Variants in SDK2 observed in about 807,000 individuals in gnomAD.
SDK2 encodes the protein sidekick cell adhesion molecule 2.
A neutral mutation model predicts 253.9 loss-of-function variants in SDK2; 105 were observed. That is an observed-to-expected ratio of 0.41 (90% CI 0.35 to 0.49). The LOEUF (loss-of-function observed/expected upper bound fraction) is 0.49, where lower values mean the gene tolerates loss of function less well. Ranked by LOEUF, SDK2 falls within the 20% of genes least tolerant of loss-of-function variation. The pLI is 0.06. For missense variants in SDK2, 2,608 were observed against 3,003.0 expected, an observed-to-expected ratio of 0.87 and a Z score of 3.07; for synonymous variants, 1,249 against 1,234.9, an observed-to-expected ratio of 1.01 and a Z score of -0.24.
chr17:73,424,668 C>T (rs1380348429), intron 12 of SDK2, among the ~76,000 whole-genome samples: 2 of 152,202 alleles, frequency 1.3e-5, no homozygotes, highest in African/African-American at 4.8e-5. Flanking sequence ...GGAAATAGAA[C>T]CATTATCATT....
chr17:73,350,760 C>A lies in SDK2; in HGVS notation c.5789G>T (p.Trp1930Leu). The A allele has an allele frequency of 6.2e-7, 1 of 1,613,064 alleles. No individual in the cohort carries two copies. ...AQKANPFYEEWWFLVVIALVG... is the reference protein window; with the variant it reads ...AQKANPFYEELWFLVVIALVG... ...CAGGGCAATGACCACCAAGAACCACCACTCCTCATAGAAGGGGTTGGCTTT... is the reference window on the plus strand; with the variant it reads ...CAGGGCAATGACCACCAAGAACCACAACTCCTCATAGAAGGGGTTGGCTTT... The change falls in exon 42 of 45, where the codon TGG (tryptophan) becomes TTG (leucine). Residue 1930 changes from tryptophan to leucine, a missense_variant. By Grantham distance (61) the Trp-to-Leu change is moderately conservative. Transcript: ENST00000392650.
intron 1 of SDK2, among the ~76,000 whole-genome samples, chr17:73,524,504 C>T (rs565641140): frequency 1.3e-5 from 2 of 152,330 alleles, no homozygotes; most frequent in East Asian, 3.9e-4. Context: ...TTGTATTCCC[C>T]TTTTTCCTGC....
At chr17:73,401,572 A>G (rs1324072818) in intron 20 of SDK2, 82 bp downstream of exon 20, 1 of 1,287,852 alleles carries the variant, frequency 7.8e-7, no homozygotes, top group Non-Finnish European at 1.1e-6. Flanking sequence ...GGTGAAAAGT[A>G]GCTCAAAGGC....
At chr17:73,503,959 A>T (rs1416278330) in intron 2 of SDK2, among the ~76,000 whole-genome samples, 1 of 152,178 alleles carries the variant, frequency 6.6e-6, no homozygotes, top group Non-Finnish European at 1.5e-5. Context: ...GTATGAACCC[A>T]GAGGTGGGCA....
intron 3 of SDK2, among the ~76,000 whole-genome samples, chr17:73,464,272 T>G (rs1429741504): frequency 2.0e-5 from 3 of 152,068 alleles, no homozygotes; most frequent in Admixed American, 1.3e-4. Flanking sequence ...ATGGGGGTGG[T>G]TCCCCCATAC....
intron 2 of SDK2, among the ~76,000 whole-genome samples, chr17:73,489,760 G>C (rs2063792861): frequency 6.6e-6 from 1 of 152,202 alleles, no homozygotes; most frequent in Non-Finnish European, 1.5e-5. Flanking sequence ...AAGGCTTCAG[G>C]TGTGGCTGAG....
rs377690009 is a variant in SDK2 at position 73,365,395 on chromosome 17, G to A, written c.5168C>T (p.Ala1723Val). Residue 1723 changes from alanine to valine, a missense_variant and splice_region_variant, in exon 38 of 45, where the codon GCC (alanine) becomes GTC (valine). Ala to Val is a moderately conservative substitution (Grantham distance 64). Around this residue, in one of 2 missense-constraint regions of SDK2, gnomAD observed 1,103 missense variants for 1,143.9 expected, o/e 0.96. Transcript: ENST00000392650. Reference protein sequence around the residue: ...TPTQGQTQQAAPSAPSSVKFS... With the variant: ...TPTQGQTQQAVPSAPSSVKFS... ...CTTGACCGAGCTGGGAGCGCTGGGGGCTGCGGGAGACAGCAAAGGGTTTTT... is the reference window on the plus strand; with the variant it reads ...CTTGACCGAGCTGGGAGCGCTGGGGACTGCGGGAGACAGCAAAGGGTTTTT... The A allele has an allele frequency of 3.7e-6, 6 of 1,603,386 alleles. No individual in the cohort carries two copies. The African/African-American group carries it at 6.7e-5, about 18-fold the overall frequency.
At chr17:73,630,683 A>C (rs1452715910) in intron 1 of SDK2, among the ~76,000 whole-genome samples, 1 of 152,158 alleles carries the variant, frequency 6.6e-6, no homozygotes, top group African/African-American at 2.4e-5. Context: ...AGACACAATA[A>C]GTCCTAACAT....
chr17:73,417,264 G>C (rs1349064407), intron 16 of SDK2, among the ~76,000 whole-genome samples: 2 of 151,710 alleles, frequency 1.3e-5, no homozygotes, highest in Non-Finnish European at 2.9e-5. Flanking sequence ...AAATTAGCCG[G>C]ATGTGGTGGC....
intron 38 of SDK2, among the ~76,000 whole-genome samples, chr17:73,364,253 T>A (rs1010973638): frequency 6.6e-6 from 1 of 152,184 alleles, no homozygotes; most frequent in Non-Finnish European, 1.5e-5. Context: ...AGGTACCAGA[T>A]GCCCATTGTC....
intron 1 of SDK2, among the ~76,000 whole-genome samples, chr17:73,568,552 A>C (rs529345927): frequency 6.6e-6 from 1 of 152,348 alleles, no homozygotes; most frequent in African/African-American, 2.4e-5. Flanking sequence ...AAATAGATCA[A>C]TAAAAAATAC....
intron 40 of SDK2, among the ~76,000 whole-genome samples, chr17:73,353,314 C>T (rs959129205): frequency 1.1e-4 from 17 of 152,156 alleles, no homozygotes; most frequent in Non-Finnish European, 5.9e-5. Context: ...TAAGTGACTG[C>T]CTAAGACATT....
chr17:73,432,622 T>G (rs2063334300), intron 10 of SDK2, among the ~76,000 whole-genome samples: 1 of 145,992 alleles, frequency 6.8e-6, no homozygotes. Context: ...GCTAGGTAAA[T>G]AAGCCGATGA....
chr17:73,414,579 C>T, intron 18 of SDK2, 65 bp downstream of exon 18: 1 of 1,293,158 alleles, frequency 7.7e-7, no homozygotes, highest in Non-Finnish European at 1.1e-6. Context: ...CCACTCTGTC[C>T]CCTCTCCCCA....
At chr17:73,494,381 G>A (rs1027363111) in intron 2 of SDK2, among the ~76,000 whole-genome samples, 4 of 152,032 alleles carry the variant, frequency 2.6e-5, no homozygotes, top group Non-Finnish European at 5.9e-5. Flanking sequence ...AGTTTCCCCT[G>A]CCTGCCCCCT....
intron 1 of SDK2, among the ~76,000 whole-genome samples, chr17:73,524,757 G>C (rs982539893): frequency 6.6e-6 from 1 of 152,184 alleles, no homozygotes; most frequent in African/African-American, 2.4e-5. Context: ...TACACACATG[G>C]TCAGTGTAGA....
In SDK2 at chr17:73,401,723, T is replaced by C. The variant is rs757189650; in HGVS notation, c.2710A>G (p.Ser904Gly). ...TTCAGCGATGTGTCCAGGATCTCAC[T>C]GAAGCTCAGGTGTCCCACGGGCCCA... The part of the protein sequence containing the change: ...VPGPVGHLSF[S>G]EILDTSLKVS... The change falls in exon 20 of 45, where the codon AGT becomes GGT. Residue 904 changes from serine to glycine, a missense_variant. Physicochemically the swap from Ser to Gly is moderately conservative, Grantham distance 56 (BLOSUM62 0). Transcript: ENST00000392650. 6.3e-7 allele frequency: 1 copy of C among 1,589,436 alleles called. No homozygotes were observed. Among genetic ancestry groups the C allele is most frequent in the Non-Finnish European group, 8.6e-7 (1 of 1,166,990 alleles).
chr17:73,578,516 T>G (rs1490812784), intron 1 of SDK2, among the ~76,000 whole-genome samples: 2 of 152,122 alleles, frequency 1.3e-5, no homozygotes, highest in Non-Finnish European at 2.9e-5. Flanking sequence ...GGTCCCTACC[T>G]CCCAGGGTTG....
At chr17:73,506,085 G>A (rs1057289117) in intron 2 of SDK2, among the ~76,000 whole-genome samples, 1 of 152,238 alleles carries the variant, frequency 6.6e-6, no homozygotes, top group African/African-American at 2.4e-5. Context: ...GGCTAGGCCC[G>A]GCACTACTTG....
Sources: allele counts gnomAD v4.1 joint callset (sites outside exome capture counted in the v4.1 genomes callset), GRCh38; gene constraint gnomAD v4.1.1; regional missense constraint gnomAD v4.1.1; transcripts MANE v1.5; gene names NCBI Gene and HGNC (gene_info 2026-07-23, HGNC 2026-07-21).